Variants in SAXO1 observed in about 807,000 individuals in gnomAD.
SAXO1 encodes stabilizer of axonemal microtubules 1.
In SAXO1, 21 loss-of-function variants were observed where a neutral mutation model predicts 17.5. The ratio of observed to expected loss-of-function variants is 1.20; its 90% CI spans 0.85 to 1.72. SAXO1 has a LOEUF of 1.72. Ranked by LOEUF, SAXO1 falls within the 40% of genes most tolerant of loss-of-function variation. The pLI is 0.00. For missense variants in SAXO1, 843 were observed against 596.0 expected (o/e 1.41, Z -4.32); for synonymous variants, 274 against 216.5 (o/e 1.27, Z -2.33).
chr9:19,022,587 G>T (rs1264264634), intron 1 of SAXO1, among the ~76,000 whole-genome samples: 1 of 152,054 alleles, frequency 6.6e-6, no homozygotes, highest in African/African-American at 2.4e-5. Context: ...ACCATTATGG[G>T]GAAAGATAGT....
intron 1 of SAXO1, among the ~76,000 whole-genome samples, chr9:18,960,377 A>G (rs1020412465): frequency 2.0e-5 from 3 of 152,054 alleles, no homozygotes; most frequent in Admixed American, 6.6e-5. Context: ...ACTCCTTTTT[A>G]TGAGGCCCGG....
rs371565277 is a variant in SAXO1 at position 18,928,942 on chromosome 9, T to C, written c.535A>G (p.Ile179Val). 4 of 1,614,212 alleles carry C rather than the reference T, an allele frequency of 2.5e-6. No individual in the cohort carries two copies. The highest frequency in any genetic ancestry group is 1.7e-5 in the Admixed American group (1 of 60,030). The change falls in exon 4 of 4, where the codon ATA becomes GTA. Residue 179 changes from isoleucine (I) to valine (V), a missense_variant. Transcript: ENST00000380534. ...NRTTHQDDYP[I>V]KGLVKTISCK... ...CTTATGGTCTTCACAAGGCCTTTTA[T>C]GGGGTAATCGTCCTGGTGTGTGGTT...
Position 18,950,847 on chromosome 9 carries a change from G to C in SAXO1, c.129C>G (p.Phe43Leu), listed in dbSNP as rs1832007122. The part of the protein sequence containing the change: ...LLSEYTENYP[F>L]YHSYLPRESF... Reference sequence around the variant, plus strand: ...ACTCTCTGGGCAGGTAGGAGTGATAGAAAGGGTAGTTCTCGGTATATTCGG... The same window carrying C: ...ACTCTCTGGGCAGGTAGGAGTGATACAAAGGGTAGTTCTCGGTATATTCGG... Residue 43 changes from phenylalanine (F) to leucine (L), a missense_variant, in exon 2 of 4, where the codon TTC becomes TTG. Phe to Leu is a conservative substitution (Grantham distance 22). Transcript: ENST00000380534. 3.7e-6 allele frequency: 6 copies of C among 1,613,776 alleles called. No homozygotes were observed. In the Admixed American group the frequency reaches 5.0e-5, roughly 13 times the overall value.
Position 18,941,640 on chromosome 9 carries a change from T to C in SAXO1, c.418A>G (p.Lys140Glu). The change falls in exon 3 of 4, where the codon AAA (lysine) becomes GAA (glutamate). Residue 140 changes from lysine to glutamate, a missense_variant. By Grantham distance (56) the Lys-to-Glu change is moderately conservative. Coordinates refer to ENST00000380534, the MANE Select transcript of SAXO1 (RefSeq NM_153707.4). The stretch of plus-strand genomic sequence containing the variant: ...CTGCCCCTCTGTGCTCTCCCACCTT[T>C]ATAAGTAGGCAAACACTCCATCTTG... ...SDKMECLPTY[K>E]ADYLPWNQPR... is the part of the protein sequence containing the mutation. 1.2e-6 allele frequency: 2 copies of C among 1,614,158 alleles called. No homozygotes were observed. Among genetic ancestry groups the C allele is most frequent in the Non-Finnish European group, 1.7e-6 (2 of 1,180,012 alleles).
At chr9:18,968,518 GA>G (rs909913858) in intron 1 of SAXO1, among the ~76,000 whole-genome samples, 5 of 151,624 alleles carry the variant, frequency 3.3e-5, no homozygotes, top group East Asian at 3.9e-4. Flanking sequence ...AATAGAAAGT[GA>G]AAAAAAGTTT....
intron 1 of SAXO1, among the ~76,000 whole-genome samples, chr9:19,046,085 A>G (rs1016701061): frequency 2.0e-5 from 3 of 149,986 alleles, no homozygotes; most frequent in Non-Finnish European, 4.5e-5. Context: ...TCCGTCTCAA[A>G]AAAAAAAAAA....
intron 1 of SAXO1, among the ~76,000 whole-genome samples, chr9:18,981,629 CT>C (rs1455294899): frequency 6.6e-6 from 1 of 151,748 alleles, no homozygotes; most frequent in Non-Finnish European, 1.5e-5. Flanking sequence ...TCTAATATAT[CT>C]TTAGAACAGG....
intron 1 of SAXO1, among the ~76,000 whole-genome samples, chr9:19,038,265 C>G (rs1027411019): frequency 6.6e-6 from 1 of 151,962 alleles, no homozygotes; most frequent in African/African-American, 2.4e-5. Flanking sequence ...GGGTATATAC[C>G]CAAAGGACTA....
intron 1 of SAXO1, among the ~76,000 whole-genome samples, chr9:18,963,859 T>A (rs1832599447): frequency 6.6e-6 from 1 of 152,206 alleles, no homozygotes; most frequent in Non-Finnish European, 1.5e-5. Flanking sequence ...AGGGCATCCT[T>A]GTCTTGTGCT....
intron 1 of SAXO1, among the ~76,000 whole-genome samples, chr9:19,022,065 G>C (rs1346537848): frequency 6.6e-6 from 1 of 152,216 alleles, no homozygotes; most frequent in African/African-American, 2.4e-5. Context: ...CCTTGGGTCC[G>C]CACTATCTTT....
intron 1 of SAXO1, chr9:19,027,669 C>A: frequency 1.5e-6 from 2 of 1,358,782 alleles, no homozygotes; most frequent in Non-Finnish European, 2.1e-6. Context: ...AAGGAGAAAG[C>A]GCCCTCCATC....
At chr9:18,946,758 TA>T (rs1249426598) in intron 2 of SAXO1, among the ~76,000 whole-genome samples, 2 of 152,142 alleles carry the variant, frequency 1.3e-5, no homozygotes, top group Non-Finnish European at 2.9e-5. Flanking sequence ...GAAAGCAAAG[TA>T]AGGCCATAAT....
intron 1 of SAXO1, among the ~76,000 whole-genome samples, chr9:18,988,500 A>G (rs377463275): frequency 6.5e-4 from 99 of 152,320 alleles, no homozygotes; most frequent in African/African-American, 2.1e-3. Context: ...CTATATGCAC[A>G]AGGCTAATAA....
intron 1 of SAXO1, among the ~76,000 whole-genome samples, chr9:19,000,662 C>A (rs1192854355): frequency 1.8e-4 from 28 of 152,092 alleles, no homozygotes; most frequent in Non-Finnish European, 7.4e-5. Context: ...CTTCTGCCCT[C>A]CCCAAGTTTG....
At chr9:19,036,270 G>A (rs1373778748), upstream of SAXO1, among the ~76,000 whole-genome samples, 2 of 143,082 alleles carry the variant, frequency 1.4e-5, no homozygotes, top group East Asian at 2.0e-4. Context: ...AAAAAAAAAA[G>A]AAAGAAAGAA....
chr9:19,046,833 T>C (rs894979082), intron 1 of SAXO1, among the ~76,000 whole-genome samples: 4 of 152,054 alleles, frequency 2.6e-5, no homozygotes, highest in Non-Finnish European at 5.9e-5. Context: ...ACCACTGCAC[T>C]CCAGCCTGGT....
At chr9:19,024,355 C>T (rs1251298520) in intron 1 of SAXO1, among the ~76,000 whole-genome samples, 1 of 151,892 alleles carries the variant, frequency 6.6e-6, no homozygotes, top group East Asian at 1.9e-4. Context: ...AAAAACCAAA[C>T]ACCGCATGTT....
At chr9:19,000,833 G>T (rs1413506352) in intron 1 of SAXO1, among the ~76,000 whole-genome samples, 1 of 152,286 alleles carries the variant, frequency 6.6e-6, no homozygotes, top group Non-Finnish European at 1.5e-5. Flanking sequence ...GATCAAAAGA[G>T]ACAAAGAAGG....
chr9:18,940,203 G>A (rs1356661088), intron 3 of SAXO1, among the ~76,000 whole-genome samples: 1 of 152,208 alleles, frequency 6.6e-6, no homozygotes, highest in Non-Finnish European at 1.5e-5. Context: ...CGTGGTGGGA[G>A]GAGATAAGAG....
Sources: allele counts gnomAD v4.1 joint callset (sites outside exome capture counted in the v4.1 genomes callset), GRCh38; gene constraint gnomAD v4.1.1; transcripts MANE v1.5; gene names NCBI Gene and HGNC (gene_info 2026-07-23, HGNC 2026-07-21).